The following ZDHHC20 variants were observed in gnomAD, a reference collection of about 807,000 sequenced individuals.
ZDHHC20 encodes palmitoyltransferase ZDHHC20.
Under a neutral mutation model 57.8 loss-of-function variants are expected in ZDHHC20, and 43 were observed. That is an observed-to-expected ratio of 0.74 (90% CI 0.58 to 0.96). The LOEUF (loss-of-function observed/expected upper bound fraction) is 0.96. Among genes scored for constraint, ZDHHC20 ranks in the 40% least tolerant of loss-of-function variants. The pLI, the probability that ZDHHC20 is intolerant of heterozygous loss-of-function variation, is 0.00. For synonymous variants in ZDHHC20, 157 were observed against 153.0 expected (o/e 1.03, Z -0.19); for missense variants, 391 against 441.1 (o/e 0.89, Z 1.02).
chr13:21,377,164 G>T (rs934475647), intron 12 of ZDHHC20: 1 of 196,328 alleles, frequency 5.1e-6, no homozygotes, highest in Non-Finnish European at 1.0e-5. Flanking sequence ...CCGTATGCGG[G>T]ACACAGCTCC....
chr13:21,458,122 A>G (rs577147282), intron 1 of ZDHHC20, among the ~76,000 whole-genome samples: 5 of 152,356 alleles, frequency 3.3e-5, no homozygotes, highest in South Asian at 2.1e-4. Context: ...AAATTGCCCA[A>G]TATCACAAAT....
intron 2 of ZDHHC20, among the ~76,000 whole-genome samples, chr13:21,424,319 C>T (rs1881004500): frequency 6.6e-6 from 1 of 152,036 alleles, no homozygotes; most frequent in Non-Finnish European, 1.5e-5. Context: ...AAAGAAAAAC[C>T]TGAAACCTAT....
chr13:21,383,806 CAA>C (rs939713285), intron 9 of ZDHHC20, among the ~76,000 whole-genome samples: 1 of 151,914 alleles, frequency 6.6e-6, no homozygotes, highest in Non-Finnish European at 1.5e-5. Context: ...AAATAGTGAA[CAA>C]AAGAGAAGAA....
chr13:21,418,867 G>A (rs1253716081), intron 3 of ZDHHC20, among the ~76,000 whole-genome samples: 1 of 152,112 alleles, frequency 6.6e-6, no homozygotes, highest in Non-Finnish European at 1.5e-5. Flanking sequence ...TAGAGATGGG[G>A]TTTGCTACAT....
intron 11 of ZDHHC20, among the ~76,000 whole-genome samples, chr13:21,378,982 G>A (rs1236700642): frequency 6.6e-6 from 1 of 152,104 alleles, no homozygotes; most frequent in Non-Finnish European, 1.5e-5. Flanking sequence ...ATGTTAAACA[G>A]CAATAATTAA....
chr13:21,395,483 CTTCTT>C lies in ZDHHC20; in HGVS notation c.595-3634_595-3630del, dbSNP rs765169199. On this transcript the variant is annotated intron_variant, in intron 7 of 12. Transcript: ENST00000400590. ...CCCCCTTCTATATAAACCATATTTT[CTTCTT>C]TTCTTTTCTTTTTTTTTTTTTTTTT... Among the ~76,000 whole-genome samples, 17 of 144,222 alleles carry C rather than the reference CTTCTT, an allele frequency of 1.2e-4. No individual in the cohort carries two copies. In the East Asian group the frequency reaches 2.9e-3, roughly 24 times the overall value. The allele number at this position is 144,222 out of a possible 152,430, so 94.6% of individuals were successfully genotyped here. A position where few individuals can be genotyped will look rare whatever the true frequency, so the allele number is the denominator to read the frequency against.
intron 1 of ZDHHC20, among the ~76,000 whole-genome samples, chr13:21,454,994 C>T (rs1302269414): frequency 6.6e-6 from 1 of 152,178 alleles, no homozygotes; most frequent in African/African-American, 2.4e-5. Context: ...AATCTCTGCT[C>T]ACTGCAAGCT....
At chr13:21,439,137 G>T (rs1593268042) in intron 1 of ZDHHC20, among the ~76,000 whole-genome samples, 1 of 152,254 alleles carries the variant, frequency 6.6e-6, no homozygotes, top group South Asian at 2.1e-4. Flanking sequence ...TCCCACCAAG[G>T]TATGCCTGCA....
chr13:21,398,197 G>A (rs926053555), intron 7 of ZDHHC20, among the ~76,000 whole-genome samples: 2 of 152,116 alleles, frequency 1.3e-5, no homozygotes, highest in Non-Finnish European at 2.9e-5. Context: ...GGGCGCGGTG[G>A]CTCACACCTG....
intron 1 of ZDHHC20, among the ~76,000 whole-genome samples, chr13:21,426,083 T>C (rs1346642904): frequency 6.6e-6 from 1 of 152,216 alleles, no homozygotes; most frequent in Non-Finnish European, 1.5e-5. Context: ...TCAAGACAAA[T>C]GTATTTTTCT....
chr13:21,398,487 CATAAACAAACAAA>C (rs1254278643), intron 7 of ZDHHC20, among the ~76,000 whole-genome samples: 3 of 149,890 alleles, frequency 2.0e-5, no homozygotes, highest in Admixed American at 2.0e-4. Context: ...AGGAAAGAAA[CATAAACAAACAAA>C]ATAAACAAAT....
chr13:21,378,668 T>G lies in ZDHHC20; in HGVS notation c.*33A>C, dbSNP rs906785116. ...ACCTTTATACTGTCTTACCTTGCTC[T>G]TATTCAAATGGTTAGTTATGAACAA... On this transcript the variant is annotated 3_prime_UTR_variant, in exon 12 of 13. Transcript: ENST00000400590. 7.7e-6 allele frequency: 11 copies of G among 1,434,542 alleles called. No homozygotes were observed. The highest frequency in any genetic ancestry group is 9.2e-6 in the Non-Finnish European group (10 of 1,084,746). 88.9% of individuals were successfully genotyped at this position (1,434,542 alleles called of 1,614,324 possible). A position where few individuals can be genotyped will look rare whatever the true frequency, so the allele number is the denominator to read the frequency against.
Position 21,459,030 on chromosome 13 carries a change from G to A in ZDHHC20, c.118+24C>T, listed in dbSNP as rs61950034. On this transcript the variant is annotated intron_variant, in intron 1 of 12. Coordinates refer to ENST00000400590, the MANE Select transcript of ZDHHC20 (RefSeq NM_001330059.2). Reference sequence around the variant, plus strand: ...CCCTAGCCGCGGCCCGCGCCCCGCCGCAGTCCCCGGGGACGGTACTCACAC... The same window carrying A: ...CCCTAGCCGCGGCCCGCGCCCCGCCACAGTCCCCGGGGACGGTACTCACAC... 7.1e-3 allele frequency: 11,088 copies of A among 1,555,400 alleles called. 51 individuals carry two copies. Among genetic ancestry groups the A allele is most frequent in the Non-Finnish European group, 7.7e-3 (8,808 of 1,144,786 alleles).
Position 21,374,031 on chromosome 13 carries a change from GA to G in ZDHHC20, c.*2664del, listed in dbSNP as rs1366181032. 6.5e-6 allele frequency: 1 copy of G among 152,916 alleles called. No homozygotes were observed. The highest frequency in any genetic ancestry group is 2.4e-5 in the African/African-American group (1 of 41,486). The allele number at this position is 152,916 out of a possible 1,614,324, so 9.5% of individuals were successfully genotyped here. ...AAAGAACTGAGAAAGACTATACCAT[GA>G]AAGTGCATAATAGTGAAGAAAAAAA... On this transcript the variant is annotated 3_prime_UTR_variant, in exon 13 of 13. Coordinates refer to ENST00000400590, the MANE Select transcript of ZDHHC20 (RefSeq NM_001330059.2).
At position 21,445,065 on chromosome 13, in the gene ZDHHC20, T is replaced by C. The variant is rs956174883; in HGVS notation, c.118+13989A>G. Among the ~76,000 whole-genome samples the C allele has an allele frequency of 4.6e-5, 7 of 151,608 alleles. No individual in the cohort carries two copies. In the East Asian group the frequency reaches 1.4e-3, roughly 29 times the overall value. ...CAGTGAGACCCTGTCTCAAAACACATACACACACACACATACATGTTTTAC... is the reference window on the plus strand; with the variant it reads ...CAGTGAGACCCTGTCTCAAAACACACACACACACACACATACATGTTTTAC... On this transcript the variant is annotated intron_variant, in intron 1 of 12. Coordinates refer to ENST00000400590, the MANE Select transcript of ZDHHC20 (RefSeq NM_001330059.2).
chr13:21,438,643 T>C (rs192137782), intron 1 of ZDHHC20, among the ~76,000 whole-genome samples: 47 of 152,372 alleles, frequency 3.1e-4, no homozygotes, highest in African/African-American at 1.1e-3. Context: ...AAAAACCATT[T>C]AGAATATTAC....
At chr13:21,409,052 T>C (rs1878844401) in intron 4 of ZDHHC20, among the ~76,000 whole-genome samples, 1 of 152,318 alleles carries the variant, frequency 6.6e-6, no homozygotes, top group East Asian at 1.9e-4. Context: ...TCATCAGGGA[T>C]ATTGGCCTGA....
intron 3 of ZDHHC20, 108 bp downstream of exon 3, chr13:21,420,953 T>G: frequency 1.2e-6 from 1 of 834,692 alleles, no homozygotes; most frequent in Non-Finnish European, 1.9e-6. Context: ...GTTTTATGAA[T>G]GGAAACAGAA....
chr13:21,428,111 C>G (rs1881489326), intron 1 of ZDHHC20, among the ~76,000 whole-genome samples: 3 of 152,146 alleles, frequency 2.0e-5, no homozygotes, highest in Admixed American at 2.0e-4. Context: ...GCTAATGGCA[C>G]CTCTAACTAC....
Sources: allele counts gnomAD v4.1 joint callset (sites outside exome capture counted in the v4.1 genomes callset), GRCh38; gene constraint gnomAD v4.1.1; transcripts MANE v1.5; gene names NCBI Gene and HGNC (gene_info 2026-07-23, HGNC 2026-07-21).